Variants in LARGE1 observed in about 807,000 individuals in gnomAD.
LARGE1 encodes the protein xylosyl- and glucuronyltransferase LARGE1.
In LARGE1, 43 loss-of-function variants were observed where a neutral mutation model predicts 87.6. The observed-to-expected ratio is 0.49, with a 90% CI of 0.38 to 0.63. LARGE1 has a LOEUF of 0.63. Among genes scored for constraint, LARGE1 ranks in the 30% least tolerant of loss-of-function variants. The pLI is 0.00. For missense variants in LARGE1, 802 were observed against 1,000.2 expected (o/e 0.80, Z 2.67); for synonymous variants, 434 against 394.6 (o/e 1.10, Z -1.18).
At chr22:33,887,064 C>T (rs540770667) in intron 1 of LARGE1, among the ~76,000 whole-genome samples, 20 of 152,204 alleles carry the variant, frequency 1.3e-4, no homozygotes, top group African/African-American at 4.6e-4. Flanking sequence ...CAGGGGTTAT[C>T]GAGGCCAGGG....
intron 2 of LARGE1, among the ~76,000 whole-genome samples, chr22:33,729,013 G>C (rs1207349435): frequency 6.6e-6 from 1 of 152,076 alleles, no homozygotes; most frequent in East Asian, 1.9e-4. Context: ...TTCTTGGAAT[G>C]AGCTTTTATT....
At chr22:33,332,464 C>T (rs1440872785) in intron 10 of LARGE1, among the ~76,000 whole-genome samples, 6 of 152,094 alleles carry the variant, frequency 3.9e-5, no homozygotes, top group Non-Finnish European at 7.3e-5. Context: ...TCTTTATCAG[C>T]AGCGTGAAAA....
chr22:33,753,956 G>A (rs1457193026), intron 2 of LARGE1, among the ~76,000 whole-genome samples: 1 of 152,104 alleles, frequency 6.6e-6, no homozygotes, highest in East Asian at 1.9e-4. Context: ...CAGCTACTCA[G>A]GAGGCTGAGA....
rs1273461794 is a variant in LARGE1, at chr22:33,462,543, G to A, written c.788-30278C>T. Among the ~76,000 whole-genome samples the A allele has an allele frequency of 2.6e-5, 4 of 152,238 alleles. No homozygotes were observed. In the East Asian group the frequency reaches 7.7e-4, roughly 29 times the overall value. ...CAGGCCTGTAATCCCAGCACTTAGG[G>A]AGGCCGAGGTGGGTGGATCACGAGG... On this transcript the variant is annotated intron_variant, in intron 6 of 14. Coordinates refer to ENST00000397394, the MANE Select transcript of LARGE1 (RefSeq NM_133642.5).
intron 1 of LARGE1, among the ~76,000 whole-genome samples, chr22:33,912,403 C>T (rs2065663402): frequency 6.6e-6 from 1 of 152,082 alleles, no homozygotes; most frequent in Non-Finnish European, 1.5e-5. Flanking sequence ...CCCTAGATGC[C>T]CACGTTCTGC....
At chr22:33,346,100 C>G (rs116232143) in intron 9 of LARGE1, among the ~76,000 whole-genome samples, 6 of 152,134 alleles carry the variant, frequency 3.9e-5, no homozygotes, top group Non-Finnish European at 7.3e-5. Flanking sequence ...AGCTCTATAT[C>G]CAGGCTAAAA....
chr22:33,715,646 C>A (rs998956969), intron 2 of LARGE1, among the ~76,000 whole-genome samples: 1 of 152,192 alleles, frequency 6.6e-6, no homozygotes, highest in Non-Finnish European at 1.5e-5. Flanking sequence ...CCCAGAGCAT[C>A]TGCCTCTGAA....
rs117971677 is a variant in LARGE1 at position 33,743,763 on chromosome 22, C to G, written c.106+17608G>C. Among the ~76,000 whole-genome samples the G allele has an allele frequency of 2.6e-4, 39 of 152,350 alleles. No homozygotes were observed. In the East Asian group the frequency reaches 7.3e-3, roughly 29 times the overall value. On this transcript the variant is annotated intron_variant, in intron 2 of 14. Coordinates refer to ENST00000397394, the MANE Select transcript of LARGE1 (RefSeq NM_133642.5). ...ACAGATGATGAAAGGGAGTCCTCGA[C>G]TTGTCACATGGCTATTTAGTGATGA...
intron 1 of LARGE1, among the ~76,000 whole-genome samples, chr22:33,869,204 C>T (rs1037161488): frequency 2.0e-5 from 3 of 152,130 alleles, no homozygotes; most frequent in Non-Finnish European, 2.9e-5. Context: ...CTACTGCATC[C>T]TCCTCTTGTC....
chr22:33,354,204 C>T (rs1470790929), intron 9 of LARGE1, among the ~76,000 whole-genome samples: 1 of 152,182 alleles, frequency 6.6e-6, no homozygotes, highest in Non-Finnish European at 1.5e-5. Flanking sequence ...AACTCTGAAA[C>T]AGGATAGAGC....
chr22:33,772,385 C>T (rs2085099306), intron 1 of LARGE1, among the ~76,000 whole-genome samples: 1 of 152,070 alleles, frequency 6.6e-6, no homozygotes, highest in South Asian at 2.1e-4. Context: ...AATCCAAACT[C>T]TTTGCTCCAC....
At chr22:33,240,681 C>T (rs1185300696) in intron 11 of LARGE1, among the ~76,000 whole-genome samples, 2 of 152,240 alleles carry the variant, frequency 1.3e-5, no homozygotes, top group Middle Eastern at 3.4e-3. Flanking sequence ...TTAAAATAAA[C>T]TTGTTAGTGG....
At chr22:33,399,043 G>T (rs757244691) in intron 7 of LARGE1, among the ~76,000 whole-genome samples, 1 of 152,096 alleles carries the variant, frequency 6.6e-6, no homozygotes, top group African/African-American at 2.4e-5. Context: ...AGATATACAC[G>T]TGGCATGGTG....
At chr22:33,124,153 G>A in the LARGE1 span, among the ~76,000 whole-genome samples, 2 of 151,978 alleles carry the variant, frequency 1.3e-5, no homozygotes, top group African/African-American at 4.8e-5. Flanking sequence ...CAGGCATGGT[G>A]GTGGGTGCCT....
At chr22:33,844,724 T>G (rs976468362) in intron 1 of LARGE1, among the ~76,000 whole-genome samples, 7 of 144,644 alleles carry the variant, frequency 4.8e-5, no homozygotes, top group East Asian at 2.0e-4. Context: ...TTTCCAAACT[T>G]TTTTTTTTTT....
chr22:33,157,574 C>T (rs913592057), downstream of LARGE1, among the ~76,000 whole-genome samples: 1 of 152,078 alleles, frequency 6.6e-6, no homozygotes. Flanking sequence ...CATTGTCTTA[C>T]CTCTGCATAA....
the LARGE1 span, among the ~76,000 whole-genome samples, chr22:33,125,426 C>A: frequency 6.7e-6 from 1 of 150,294 alleles, no homozygotes; most frequent in Non-Finnish European, 1.5e-5. Context: ...GCTGTGAAGA[C>A]GAGTACACAT....
intron 13 of LARGE1, among the ~76,000 whole-genome samples, chr22:33,280,895 G>T (rs1930315434): frequency 6.6e-6 from 1 of 152,204 alleles, no homozygotes; most frequent in African/African-American, 2.4e-5. Flanking sequence ...CAGGAGGTCT[G>T]GGCTAGGCTT....
rs998526690 is a variant in LARGE1, at chr22:33,385,509, C to T, written c.893-1205G>A. ...TGCCACGGCACTCCAGCCTGGACGA[C>T]AGCGCAGGACACCGTCTCAAAAAAA... On this transcript the variant is annotated intron_variant, in intron 7 of 14. Transcript: ENST00000397394. 1.6e-4 allele frequency among the ~76,000 whole-genome samples: 16 copies of T among 102,818 alleles called. 1 individual carries two copies. The East Asian group carries it at 3.9e-3, about 25-fold the overall frequency. 67.5% of individuals were successfully genotyped at this position (102,818 alleles called of 152,430 possible).
Sources: allele counts gnomAD v4.1 joint callset (sites outside exome capture counted in the v4.1 genomes callset), GRCh38; gene constraint gnomAD v4.1.1; transcripts MANE v1.5; gene names NCBI Gene and HGNC (gene_info 2026-07-23, HGNC 2026-07-21).